Variants in RNF130 observed in about 807,000 individuals in gnomAD.
The protein encoded by RNF130 is E3 ubiquitin-protein ligase RNF130.
RNF130 carries 21 observed loss-of-function variants against 44.6 expected under a neutral mutation model. The observed-to-expected ratio is 0.47, with a 90% CI of 0.33 to 0.68. The LOEUF (loss-of-function observed/expected upper bound fraction) is 0.68. Among genes scored for constraint, RNF130 ranks in the 30% least tolerant of loss-of-function variants. RNF130 has a pLI of 0.02. For synonymous variants in RNF130, 214 were observed against 210.4 expected (o/e 1.02, Z -0.15); for missense variants, 479 against 560.6 (o/e 0.85, Z 1.47).
rs1471218123 is a variant in RNF130, at chr5:180,068,490, A to C, written c.247+2966T>G. On this transcript the variant is annotated intron_variant, in intron 1 of 8. Transcript: ENST00000521389. ...TGACAAAGACATATTTTTAAAGTAC[A>C]CTTGTTTATAAGATATCTCATAAAG... is the stretch of plus-strand genomic sequence containing the variant. Among the ~76,000 whole-genome samples the C allele has an allele frequency of 5.9e-5, 9 of 152,388 alleles. No individual in the cohort carries two copies. In the East Asian group the frequency reaches 1.7e-3, roughly 29 times the overall value.
chr5:180,033,062 C>T (rs958984681), intron 2 of RNF130, among the ~76,000 whole-genome samples: 6 of 152,102 alleles, frequency 3.9e-5, no homozygotes, highest in African/African-American at 1.2e-4. Context: ...CAACCTCTGC[C>T]TTCTGGGCTC....
intron 8 of RNF130, among the ~76,000 whole-genome samples, chr5:179,957,976 C>A (rs62407267): frequency 1.2e-4 from 18 of 150,856 alleles, no homozygotes; most frequent in Non-Finnish European, 2.4e-4. Context: ...CTCCCGGGTT[C>A]ACGCCATTCT....
chr5:179,997,492 T>G (rs920378034), intron 3 of RNF130, among the ~76,000 whole-genome samples: 1 of 151,888 alleles, frequency 6.6e-6, no homozygotes, highest in Non-Finnish European at 1.5e-5. Flanking sequence ...CCCGGCTAAT[T>G]TATTTATTAT....
chr5:180,069,099 T>G (rs1765182688), intron 1 of RNF130, among the ~76,000 whole-genome samples: 1 of 152,238 alleles, frequency 6.6e-6, no homozygotes, highest in South Asian at 2.1e-4. Flanking sequence ...TATATCACCA[T>G]TTCTGTTTCT....
chr5:179,997,355 G>A (rs1036854571), intron 3 of RNF130, among the ~76,000 whole-genome samples: 3 of 152,018 alleles, frequency 2.0e-5, no homozygotes, highest in East Asian at 1.9e-4. Flanking sequence ...ATGGAGTCTC[G>A]CTCTGTCACC....
chr5:180,026,528 C>T (rs901384834), intron 2 of RNF130, among the ~76,000 whole-genome samples: 2 of 152,196 alleles, frequency 1.3e-5, no homozygotes, highest in African/African-American at 4.8e-5. Context: ...AATGAGTAGC[C>T]TTTCCTGTCA....
At chr5:179,913,183 G>A (rs993556909) in exon 8 of RNF130, 7 of 152,440 alleles carry the variant, frequency 4.6e-5, no homozygotes, top group Middle Eastern at 3.4e-3. Context: ...CAGCCTTGGC[G>A]TCTGGCTACG....
At chr5:179,915,982 T>C (rs1396438379) in exon 8 of RNF130, 2 of 152,182 alleles carry the variant, frequency 1.3e-5, no homozygotes, top group African/African-American at 2.4e-5. Context: ...ACTTCAAGCA[T>C]GTGTTTGGCA....
chr5:179,927,490 C>G (rs1206278208), intron 7 of RNF130, among the ~76,000 whole-genome samples: 4 of 152,106 alleles, frequency 2.6e-5, no homozygotes, highest in Admixed American at 2.6e-4. Flanking sequence ...TACCAGCGCC[C>G]TACAAGTCCC....
chr5:180,022,105 T>G (rs555025237), intron 2 of RNF130, among the ~76,000 whole-genome samples: 1 of 152,230 alleles, frequency 6.6e-6, no homozygotes, highest in Non-Finnish European at 1.5e-5. Flanking sequence ...CTTTTCAGTG[T>G]ACACCACCAG....
intron 7 of RNF130, among the ~76,000 whole-genome samples, chr5:179,947,364 CTG>C (rs1339021574): frequency 6.6e-6 from 1 of 152,210 alleles, no homozygotes; most frequent in East Asian, 1.9e-4. Flanking sequence ...CCCACCCCAC[CTG>C]TGTCCTAAAT....
At chr5:179,981,467 G>T (rs1390243384) in intron 3 of RNF130, among the ~76,000 whole-genome samples, 1 of 152,182 alleles carries the variant, frequency 6.6e-6, no homozygotes, top group East Asian at 1.9e-4. Context: ...ACACACAAAA[G>T]AACAGAGAAT....
intron 5 of RNF130, among the ~76,000 whole-genome samples, chr5:179,974,423 G>A (rs754869546): frequency 1.1e-4 from 16 of 152,244 alleles, no homozygotes; most frequent in South Asian, 4.1e-4. Context: ...AGAATCAGCC[G>A]TGATCACTGA....
chr5:179,971,115 A>C (rs761648450), intron 5 of RNF130, among the ~76,000 whole-genome samples: 11 of 151,816 alleles, frequency 7.2e-5, no homozygotes, highest in Non-Finnish European at 1.5e-4. Flanking sequence ...TTTCTCTCTT[A>C]TTCAGGCAAG....
chr5:179,969,717 C>T (rs971623255), intron 6 of RNF130, among the ~76,000 whole-genome samples: 8 of 150,964 alleles, frequency 5.3e-5, no homozygotes, highest in East Asian at 3.9e-4. Flanking sequence ...TGGCCAGGCA[C>T]GGTGGCTCAC....
chr5:179,998,886 T>TACATATATA, intron 3 of RNF130, among the ~76,000 whole-genome samples: 1 of 105,942 alleles, frequency 9.4e-6, no homozygotes, highest in Non-Finnish European at 2.1e-5. Context: ...TATATATATG[T>TACATATATA]TTTATATATC....
intron 3 of RNF130, among the ~76,000 whole-genome samples, chr5:179,991,556 C>A (rs1439131107): frequency 6.6e-6 from 1 of 152,036 alleles, no homozygotes; most frequent in Non-Finnish European, 1.5e-5. Flanking sequence ...TTCTGTATTT[C>A]TGTGCGACCA....
At chr5:180,044,561 C>T (rs1249013662) in intron 1 of RNF130, among the ~76,000 whole-genome samples, 2 of 152,076 alleles carry the variant, frequency 1.3e-5, no homozygotes, top group Admixed American at 1.3e-4. Context: ...TGGCCGGGCG[C>T]GGTGGCTCAC....
At chr5:179,942,271 T>C (rs1157068595) in intron 7 of RNF130, among the ~76,000 whole-genome samples, 1 of 151,788 alleles carries the variant, frequency 6.6e-6, no homozygotes, top group Middle Eastern at 3.2e-3. Flanking sequence ...ACGGCTTTAA[T>C]GAAGATTACA....
Sources: allele counts gnomAD v4.1 joint callset (sites outside exome capture counted in the v4.1 genomes callset), GRCh38; gene constraint gnomAD v4.1.1; transcripts MANE v1.5; gene names NCBI Gene and HGNC (gene_info 2026-07-23, HGNC 2026-07-21).